The following NTM variants were observed in gnomAD, a reference collection of about 807,000 sequenced individuals.
NTM encodes the protein IgLON family member 2.
NTM carries 13 observed loss-of-function variants against 42.1 expected under a neutral mutation model. The ratio of observed to expected loss-of-function variants is 0.31; its 90% confidence interval spans 0.20 to 0.49. The LOEUF is 0.49. NTM is among the 20% of genes least tolerant of loss of function. The probability of loss-of-function intolerance (pLI) is 0.99; values close to 1 mark genes in which losing one functional copy is unlikely to be tolerated. For synonymous variants in NTM, 187 were observed against 179.2 expected (o/e 1.04, Z -0.35); for missense variants, 373 against 452.8 (o/e 0.82, Z 1.60).
chr11:131,801,616 A>G (rs1183219382), intron 1 of NTM, among the ~76,000 whole-genome samples: 1 of 150,340 alleles, frequency 6.7e-6, no homozygotes, highest in Non-Finnish European at 1.5e-5. Flanking sequence ...TGCTATGTAG[A>G]CCCCTTTTTT....
chr11:131,509,387 C>A (rs2047951696), intron 1 of NTM, among the ~76,000 whole-genome samples: 1 of 152,184 alleles, frequency 6.6e-6, no homozygotes, highest in South Asian at 2.1e-4. Flanking sequence ...TTTTGCATTT[C>A]TTTTCCTAAC....
chr11:131,644,728 T>G (rs2065560177), intron 1 of NTM, among the ~76,000 whole-genome samples: 1 of 152,166 alleles, frequency 6.6e-6, no homozygotes, highest in African/African-American at 2.4e-5. Context: ...ATCAACATGA[T>G]GGATTTTTCT....
intron 1 of NTM, among the ~76,000 whole-genome samples, chr11:131,573,240 A>G (rs1031702142): frequency 2.6e-5 from 4 of 152,190 alleles, no homozygotes; most frequent in Non-Finnish European, 5.9e-5. Context: ...TGGCTTTGGA[A>G]CAGGGAAGAC....
At chr11:132,279,583 T>G (rs2093886516) in intron 4 of NTM, among the ~76,000 whole-genome samples, 1 of 152,330 alleles carries the variant, frequency 6.6e-6, no homozygotes, top group Admixed American at 6.5e-5. Context: ...ACCATATGTC[T>G]TCATGCCTCT....
In NTM at chr11:131,789,650, AGAAGAAGAAGAAG is replaced by A. The variant is rs1179219443; in HGVS notation, c.83-121913_83-121901del. Among the ~76,000 whole-genome samples the A allele has an allele frequency of 3.0e-4, 41 of 138,238 alleles. 3 individuals are homozygous for A. The highest frequency in any genetic ancestry group is 1.1e-3 in the African/African-American group (39 of 36,804). The allele number at this position is 138,238 out of a possible 152,430, so 90.7% of individuals were successfully genotyped here. On this transcript the variant is annotated intron_variant, in intron 1 of 8. Transcript: ENST00000683400. ...GAAGAAGAAGAAAAGAAGAAGAAGA[AGAAGAAGAAGAAG>A]AAGAAAGCATGGGCCGGGGGCGGTG... is the stretch of plus-strand genomic sequence containing the variant.
intron 1 of NTM, among the ~76,000 whole-genome samples, chr11:131,373,901 T>C (rs1234993046): frequency 6.6e-6 from 1 of 152,178 alleles, no homozygotes; most frequent in East Asian, 1.9e-4. Flanking sequence ...CTCGGCAAAG[T>C]TCACACTCCC....
At position 131,834,564 on chromosome 11, in the gene NTM, A is replaced by G. The variant is rs575704844; in HGVS notation, c.83-77000A>G. On this transcript the variant is annotated intron_variant, in intron 1 of 8. Coordinates refer to ENST00000683400, the MANE Select transcript of NTM (RefSeq NM_001352005.2). Reference sequence around the variant, plus strand: ...CATCACCCCCAATGCCATCATAATAATCATCATCATCACTATAAGCCAAGC... The same window carrying G: ...CATCACCCCCAATGCCATCATAATAGTCATCATCATCACTATAAGCCAAGC... Among the ~76,000 whole-genome samples the G allele has an allele frequency of 4.0e-5, 6 of 149,754 alleles. No individual in the cohort carries two copies. In the South Asian group the frequency reaches 1.3e-3, roughly 32 times the overall value.
intron 2 of NTM, among the ~76,000 whole-genome samples, chr11:131,987,095 G>A (rs767754466): frequency 6.6e-6 from 1 of 152,118 alleles, no homozygotes; most frequent in Non-Finnish European, 1.5e-5. Flanking sequence ...TCTAAAAACA[G>A]GTGGTAAATG....
At chr11:131,799,715 G>A (rs1170002776) in intron 1 of NTM, among the ~76,000 whole-genome samples, 2 of 152,172 alleles carry the variant, frequency 1.3e-5, no homozygotes, top group African/African-American at 4.8e-5. Flanking sequence ...TTCCCCAGGA[G>A]GGGTGGGCAC....
intron 1 of NTM, among the ~76,000 whole-genome samples, chr11:131,636,775 C>T (rs1308708124): frequency 2.0e-5 from 3 of 152,162 alleles, no homozygotes; most frequent in Admixed American, 6.5e-5. Flanking sequence ...CACATTCCCA[C>T]GTAAAATAGA....
chr11:131,605,909 T>G (rs745847503), intron 1 of NTM: 66 of 980,372 alleles, frequency 6.7e-5, no homozygotes, highest in Non-Finnish European at 7.8e-5. Flanking sequence ...GTTTCAATTC[T>G]GTGCTTTCTC....
chr11:131,713,564 T>C (rs2135325079), intron 1 of NTM, among the ~76,000 whole-genome samples: 1 of 152,348 alleles, frequency 6.6e-6, no homozygotes, highest in South Asian at 2.1e-4. Context: ...TTCCTTTCAG[T>C]ATGTTTTCCT....
At chr11:131,509,717 C>A (rs927758439) in intron 1 of NTM, among the ~76,000 whole-genome samples, 1 of 152,164 alleles carries the variant, frequency 6.6e-6, no homozygotes, top group Admixed American at 6.5e-5. Context: ...GTGTCTTAGT[C>A]CATCCTTCCA....
intron 1 of NTM, among the ~76,000 whole-genome samples, chr11:131,510,058 G>C (rs1312176294): frequency 6.6e-6 from 1 of 152,178 alleles, no homozygotes; most frequent in Non-Finnish European, 1.5e-5. Flanking sequence ...CAGTAGCTGA[G>C]CTCCTGGCGG....
intron 1 of NTM, chr11:131,774,184 C>G (rs2086596194): frequency 1.1e-6 from 1 of 904,932 alleles, no homozygotes; most frequent in South Asian, 5.1e-5. Context: ...TTTTCTTTAT[C>G]TCCATAGCCT....
At chr11:132,156,282 G>T (rs2137522977) in intron 3 of NTM, among the ~76,000 whole-genome samples, 1 of 152,300 alleles carries the variant, frequency 6.6e-6, no homozygotes, top group South Asian at 2.1e-4. Flanking sequence ...TTTCATTCTA[G>T]TGTATTTTTT....
At chr11:132,013,143 G>A (rs182554071) in intron 2 of NTM, among the ~76,000 whole-genome samples, 1 of 152,272 alleles carries the variant, frequency 6.6e-6, no homozygotes. Context: ...GCTGTGTGAA[G>A]TCAACAGAGA....
intron 1 of NTM, among the ~76,000 whole-genome samples, chr11:131,841,279 GT>G (rs1036424228): frequency 4.6e-5 from 7 of 152,194 alleles, no homozygotes; most frequent in Non-Finnish European, 7.3e-5. Flanking sequence ...GCCAAATATA[GT>G]GACACAGCAA....
At chr11:132,235,686 C>T (rs1334740550) in intron 4 of NTM, among the ~76,000 whole-genome samples, 1 of 152,182 alleles carries the variant, frequency 6.6e-6, no homozygotes, top group Non-Finnish European at 1.5e-5. Flanking sequence ...GCATCGACAT[C>T]TGACAGGGTG....
Sources: allele counts gnomAD v4.1 joint callset (sites outside exome capture counted in the v4.1 genomes callset), GRCh38; gene constraint gnomAD v4.1.1; transcripts MANE v1.5; gene names NCBI Gene and HGNC (gene_info 2026-07-23, HGNC 2026-07-21).